The following MAML3 variants were observed in gnomAD, a reference collection of about 807,000 sequenced individuals.
MAML3 encodes the protein mastermind-like protein 3.
A neutral mutation model predicts 101.9 loss-of-function variants in MAML3; 27 were observed. The observed-to-expected ratio is 0.27, with a 90% CI of 0.20 to 0.37. The LOEUF is 0.37. Ranked by LOEUF, MAML3 falls within the 10% of genes least tolerant of loss-of-function variation. MAML3 has a pLI of 1.00. For synonymous variants in MAML3, 501 were observed against 555.9 expected (o/e 0.90, Z 1.39); for missense variants, 1,316 against 1,444.9 (o/e 0.91, Z 1.45).
chr4:139,886,297 C>T (rs982657257), intron 2 of MAML3, among the ~76,000 whole-genome samples: 7 of 151,884 alleles, frequency 4.6e-5, no homozygotes, highest in African/African-American at 1.7e-4. Flanking sequence ...AAAGAATTAA[C>T]GAAGGGTAAA....
intron 1 of MAML3, among the ~76,000 whole-genome samples, chr4:139,903,701 C>T (rs1732769303): frequency 6.6e-6 from 1 of 152,170 alleles, no homozygotes; most frequent in Admixed American, 6.5e-5. Flanking sequence ...AGAAGATAAC[C>T]ATCTACCAGC....
intron 1 of MAML3, among the ~76,000 whole-genome samples, chr4:140,104,771 C>T (rs1336486160): frequency 6.6e-6 from 1 of 151,788 alleles, no homozygotes; most frequent in African/African-American, 2.4e-5. Context: ...GGATTACAGA[C>T]ATGAGTCACT....
intron 1 of MAML3, among the ~76,000 whole-genome samples, chr4:139,915,556 A>T (rs925041722): frequency 6.6e-6 from 1 of 152,228 alleles, no homozygotes; most frequent in Admixed American, 6.5e-5. Context: ...TCTCTCAGAA[A>T]TGTCCGTGTA....
At chr4:139,832,707 TA>T (rs1475468688) in intron 2 of MAML3, among the ~76,000 whole-genome samples, 1 of 152,262 alleles carries the variant, frequency 6.6e-6, no homozygotes, top group East Asian at 1.9e-4. Flanking sequence ...AGTCATTACT[TA>T]AAAAAAATTT....
At chr4:139,826,179 G>A (rs548591342) in intron 2 of MAML3, among the ~76,000 whole-genome samples, 2 of 152,020 alleles carry the variant, frequency 1.3e-5, no homozygotes, top group East Asian at 1.9e-4. Context: ...GCCTCCCCTG[G>A]CATCCATTTG....
intron 1 of MAML3, among the ~76,000 whole-genome samples, chr4:140,139,493 C>A (rs1728948278): frequency 1.3e-5 from 2 of 152,090 alleles, no homozygotes; most frequent in Non-Finnish European, 2.9e-5. Flanking sequence ...GAGTTCGAGA[C>A]CAGCCTGGGA....
chr4:139,969,295 G>C (rs1288818501), intron 1 of MAML3, among the ~76,000 whole-genome samples: 1 of 151,652 alleles, frequency 6.6e-6, no homozygotes, highest in Non-Finnish European at 1.5e-5. Context: ...TAGGTAGATA[G>C]AGAGGCAGGG....
intron 1 of MAML3, among the ~76,000 whole-genome samples, chr4:140,037,199 G>A (rs1292036022): frequency 6.7e-6 from 1 of 148,780 alleles, no homozygotes. Context: ...GCTCAAGACT[G>A]TGTATAGGGA....
At chr4:139,965,962 A>T (rs1378649576) in intron 1 of MAML3, among the ~76,000 whole-genome samples, 1 of 152,180 alleles carries the variant, frequency 6.6e-6, no homozygotes, top group East Asian at 1.9e-4. Flanking sequence ...CTGGTGAAAA[A>T]CTATCTGGCC....
At chr4:140,089,521 C>A (rs1728009897) in intron 1 of MAML3, among the ~76,000 whole-genome samples, 1 of 152,292 alleles carries the variant, frequency 6.6e-6, no homozygotes, top group South Asian at 2.1e-4. Flanking sequence ...TGGCTCTGAT[C>A]TTTCAGATTT....
chr4:140,148,015 G>C (rs1423403648), intron 1 of MAML3, among the ~76,000 whole-genome samples: 1 of 151,978 alleles, frequency 6.6e-6, no homozygotes, highest in Non-Finnish European at 1.5e-5. Flanking sequence ...AACAACAGTT[G>C]GCCATTAGTC....
intron 1 of MAML3, among the ~76,000 whole-genome samples, chr4:140,141,462 C>A (rs1462552019): frequency 1.3e-5 from 2 of 152,234 alleles, no homozygotes; most frequent in Non-Finnish European, 2.9e-5. Flanking sequence ...CCACTCCAAT[C>A]TGCACCCACG....
intron 4 of MAML3, among the ~76,000 whole-genome samples, chr4:139,724,603 G>A (rs1489964172): frequency 1.3e-5 from 2 of 152,076 alleles, no homozygotes; most frequent in Non-Finnish European, 2.9e-5. Flanking sequence ...AAAGGAATAG[G>A]TAACTTTTGA....
chr4:140,152,926 G>C lies in MAML3; in HGVS notation c.402C>G (p.His134Gln), dbSNP rs754835545. Residue 134 changes from histidine (H) to glutamine (Q), a missense_variant, in exon 1 of 5, where the codon CAC becomes CAG. Physicochemically the swap from His to Gln is conservative, Grantham distance 24 (BLOSUM62 0). Transcript: ENST00000509479. ...KSGAGTGKQQ[H>Q]PSKPQQDAEA... The stretch of plus-strand genomic sequence containing the variant: ...CCGCATCTTGCTGGGGTTTGCTCGG[G>C]TGCTGCTGTTTGCCGGTGCCGGCGC... 4 of 1,612,844 alleles carry C rather than the reference G, an allele frequency of 2.5e-6. No homozygotes were observed. The highest frequency in any genetic ancestry group is 3.4e-6 in the Non-Finnish European group (4 of 1,179,704).
At chr4:139,855,238 C>T (rs1299993280) in intron 2 of MAML3, among the ~76,000 whole-genome samples, 2 of 152,184 alleles carry the variant, frequency 1.3e-5, no homozygotes, top group Non-Finnish European at 2.9e-5. Flanking sequence ...TCCTATGCTA[C>T]GTGCTGGTGT....
intron 1 of MAML3, among the ~76,000 whole-genome samples, chr4:140,004,584 G>T (rs545178054): frequency 3.9e-4 from 59 of 152,274 alleles, no homozygotes; most frequent in East Asian, 3.9e-4. Flanking sequence ...AAAGAAAATG[G>T]GATGAACAGT....
At chr4:140,010,987 C>T (rs1346903778) in intron 1 of MAML3, among the ~76,000 whole-genome samples, 1 of 151,022 alleles carries the variant, frequency 6.6e-6, no homozygotes, top group East Asian at 2.0e-4. Context: ...TCCTGGTTAA[C>T]TTGGGAGGCT....
chr4:139,728,394 C>T (rs1728564089), intron 3 of MAML3, among the ~76,000 whole-genome samples: 1 of 152,202 alleles, frequency 6.6e-6, no homozygotes, highest in African/African-American at 2.4e-5. Context: ...GACAGGCCCC[C>T]ACATACATGT....
intron 2 of MAML3, among the ~76,000 whole-genome samples, chr4:139,857,387 G>C (rs1041034641): frequency 2.0e-5 from 3 of 152,032 alleles, no homozygotes; most frequent in Non-Finnish European, 4.4e-5. Context: ...AACCTGAAAG[G>C]AAAGTTGCCA....
Sources: allele counts gnomAD v4.1 joint callset (sites outside exome capture counted in the v4.1 genomes callset), GRCh38; gene constraint gnomAD v4.1.1; transcripts MANE v1.5; gene names NCBI Gene and HGNC (gene_info 2026-07-23, HGNC 2026-07-21).